CDH18: variants seen among roughly 807,000 people sequenced by gnomAD.
The protein encoded by CDH18 is cadherin 18.
A neutral mutation model predicts 67.9 loss-of-function variants in CDH18; 31 were observed. The ratio of observed to expected loss-of-function variants is 0.46; its 90% CI spans 0.34 to 0.62. CDH18 has a LOEUF of 0.62. CDH18 is among the 20% of genes least tolerant of loss of function. The pLI, the probability that CDH18 is intolerant of heterozygous loss-of-function variation, is 0.01. For synonymous variants in CDH18, 362 were observed against 347.2 expected (o/e 1.04, Z -0.48); for missense variants, 890 against 975.5 (o/e 0.91, Z 1.17).
chr5:19,915,070 A>T (rs1266075097), intron 2 of CDH18, among the ~76,000 whole-genome samples: 1 of 152,158 alleles, frequency 6.6e-6, no homozygotes, highest in Non-Finnish European at 1.5e-5. Context: ...AAGTGGTATG[A>T]GGGAGTTTTG....
chr5:19,490,872 A>G (rs987055939), intron 11 of CDH18, among the ~76,000 whole-genome samples: 1 of 152,176 alleles, frequency 6.6e-6, no homozygotes, highest in Non-Finnish European at 1.5e-5. Context: ...TAGGTAAAAC[A>G]ACAATCAATG....
At chr5:20,282,123 T>C (rs895746581) in intron 1 of CDH18, among the ~76,000 whole-genome samples, 18 of 152,178 alleles carry the variant, frequency 1.2e-4, no homozygotes, top group Non-Finnish European at 2.2e-4. Context: ...GCTGAGACGA[T>C]GGGGTTTTCT....
At chr5:20,293,609 C>A (rs542354202) in intron 1 of CDH18, among the ~76,000 whole-genome samples, 2 of 152,154 alleles carry the variant, frequency 1.3e-5, no homozygotes, top group African/African-American at 2.4e-5. Context: ...TATTCAAGAA[C>A]AAATAAGTAG....
At chr5:20,139,239 G>C (rs1750023385) in intron 2 of CDH18, among the ~76,000 whole-genome samples, 1 of 152,132 alleles carries the variant, frequency 6.6e-6, no homozygotes, top group Admixed American at 6.5e-5. Flanking sequence ...GTAATAAATG[G>C]TGCTGGGAAA....
At chr5:19,505,853 C>T (rs1486927921) in intron 10 of CDH18, among the ~76,000 whole-genome samples, 1 of 152,014 alleles carries the variant, frequency 6.6e-6, no homozygotes, top group Admixed American at 6.6e-5. Context: ...AGGGAGGATT[C>T]CCTATTTTTC....
chr5:20,567,731 G>T (rs1758593748), intron 1 of CDH18, among the ~76,000 whole-genome samples: 2 of 152,118 alleles, frequency 1.3e-5, no homozygotes, highest in Non-Finnish European at 2.9e-5. Context: ...TCTTTCAAGA[G>T]CCTCAGTCCC....
At chr5:19,870,776 T>G (rs1014305282) in intron 2 of CDH18, among the ~76,000 whole-genome samples, 1 of 152,192 alleles carries the variant, frequency 6.6e-6, no homozygotes, top group Non-Finnish European at 1.5e-5. Context: ...AAGGATTCAG[T>G]GTATTCTTAC....
At chr5:20,078,996 T>G (rs1744213146) in intron 2 of CDH18, among the ~76,000 whole-genome samples, 1 of 152,226 alleles carries the variant, frequency 6.6e-6, no homozygotes, top group Non-Finnish European at 1.5e-5. Context: ...TTGAAATATG[T>G]ATACATTGCA....
rs1385400613 is a variant in CDH18 at position 19,696,220 on chromosome 5, AAT to A, written c.643+25125_643+25126del. On this transcript the variant is annotated intron_variant, in intron 5 of 12. Coordinates refer to ENST00000382275, the MANE Select transcript of CDH18 (RefSeq NM_004934.5). ...GAACATTTATATGCAGTCTGCACCA[AAT>A]ATATGTGTGTGTGTGTGTGTGTGTG... Among the ~76,000 whole-genome samples the A allele has an allele frequency of 4.4e-4, 49 of 112,052 alleles. 1 individual carries two copies. In the East Asian group the frequency reaches 4.9e-3, roughly 11 times the overall value. 73.5% of individuals were successfully genotyped at this position (112,052 alleles called of 152,430 possible).
intron 6 of CDH18, among the ~76,000 whole-genome samples, chr5:19,607,168 A>T (rs1748188200): frequency 6.6e-6 from 1 of 151,686 alleles, no homozygotes; most frequent in Admixed American, 6.6e-5. Flanking sequence ...TGGGAAAATA[A>T]TATTTTAAGA....
chr5:19,642,791 A>G (rs1272169231), intron 5 of CDH18, among the ~76,000 whole-genome samples: 1 of 152,102 alleles, frequency 6.6e-6, no homozygotes, highest in African/African-American at 2.4e-5. Flanking sequence ...AATTACCCCA[A>G]AGACACAGGC....
At chr5:19,592,073 G>A (rs1053721669) in intron 6 of CDH18, among the ~76,000 whole-genome samples, 1 of 151,906 alleles carries the variant, frequency 6.6e-6, no homozygotes, top group African/African-American at 2.4e-5. Context: ...CAACAGACAA[G>A]TTAATATTCA....
At chr5:19,675,388 G>A (rs1181785217) in intron 5 of CDH18, among the ~76,000 whole-genome samples, 1 of 151,862 alleles carries the variant, frequency 6.6e-6, no homozygotes, top group African/African-American at 2.4e-5. Context: ...TGGAGACCGG[G>A]GCTTATTTCA....
At position 20,532,030 on chromosome 5, in the gene CDH18, T is replaced by C. The variant is rs918377991; in HGVS notation, c.-580+43432A>G. ...GTGTGTATGTGTGAATGTATAACAA[T>C]ATACTAAAAAAGTATTTTTATTAAA... On this transcript the variant is annotated intron_variant, in intron 1 of 14. Transcript: ENST00000507958. Among the ~76,000 whole-genome samples the C allele has an allele frequency of 4.6e-5, 7 of 152,094 alleles. No individual in the cohort carries two copies. In the East Asian group the frequency reaches 9.6e-4, roughly 21 times the overall value.
At chr5:20,534,357 G>A (rs1756588977) in intron 1 of CDH18, among the ~76,000 whole-genome samples, 1 of 151,958 alleles carries the variant, frequency 6.6e-6, no homozygotes, top group Non-Finnish European at 1.5e-5. Flanking sequence ...TAATTTGAAT[G>A]TCTTGATATT....
chr5:20,329,254 G>T lies in CDH18; in HGVS notation c.-579-73749C>A, dbSNP rs537372595. ...GAACAAAGAGAATGAACGAAGGCACGCAGATAACACATCACTATTGATCTA... is the reference window on the plus strand; with the variant it reads ...GAACAAAGAGAATGAACGAAGGCACTCAGATAACACATCACTATTGATCTA... On this transcript the variant is annotated intron_variant, in intron 1 of 14. Transcript: ENST00000507958. 1.6e-4 allele frequency among the ~76,000 whole-genome samples: 24 copies of T among 152,248 alleles called. No individual in the cohort carries two copies. The South Asian group carries it at 4.6e-3, about 29-fold the overall frequency.
At position 19,908,199 on chromosome 5, in the gene CDH18, T is replaced by A. The variant is rs1481834161; in HGVS notation, c.-256-68957A>T. On this transcript the variant is annotated intron_variant, in intron 2 of 12. Coordinates refer to ENST00000382275, the MANE Select transcript of CDH18 (RefSeq NM_004934.5). ...CTTGTTTTGATGGGGAAAAAGCCAG[T>A]GGAACTAATATGATAACTCCTTCCA... Among the ~76,000 whole-genome samples, 8 of 152,200 alleles carry A rather than the reference T, an allele frequency of 5.3e-5. No individual in the cohort carries two copies. The East Asian group carries it at 1.5e-3, about 29-fold the overall frequency.
chr5:19,911,845 T>G (rs1249689132), intron 2 of CDH18, among the ~76,000 whole-genome samples: 1 of 152,220 alleles, frequency 6.6e-6, no homozygotes, highest in Non-Finnish European at 1.5e-5. Context: ...GGAGTGAGTT[T>G]CAAAGTGTTA....
intron 2 of CDH18, among the ~76,000 whole-genome samples, chr5:20,170,313 T>A (rs923994389): frequency 6.6e-6 from 1 of 152,090 alleles, no homozygotes; most frequent in Non-Finnish European, 1.5e-5. Context: ...TTCCTGAGTA[T>A]AATGGCTTCC....
Sources: gnomAD v4.1 joint callset for allele counts (sites outside exome capture counted in the v4.1 genomes callset) on GRCh38, gnomAD v4.1.1 for gene constraint, MANE v1.5 for transcripts, NCBI Gene and HGNC (gene_info 2026-07-23, HGNC 2026-07-21) for gene names.